Variants in SAV1 observed in about 807,000 individuals in gnomAD.
SAV1 encodes protein salvador homolog 1.
In SAV1, 23 loss-of-function variants were observed where a neutral mutation model predicts 47.3. The ratio of observed to expected loss-of-function variants is 0.49; its 90% CI spans 0.35 to 0.69. The LOEUF (loss-of-function observed/expected upper bound fraction) is 0.69, where lower values mean the gene tolerates loss of function less well. SAV1 is among the 30% of genes least tolerant of loss of function. The probability of loss-of-function intolerance (pLI) is 0.01; values close to 1 mark genes in which losing one functional copy is unlikely to be tolerated. For synonymous variants in SAV1, 155 were observed against 159.2 expected, an observed-to-expected ratio of 0.97 and a Z score of 0.20; for missense variants, 448 against 457.4, an observed-to-expected ratio of 0.98 and a Z score of 0.19.
Position 50,657,900 on chromosome 14 carries a change from T to C in SAV1, c.535+7279A>G, listed in dbSNP as rs139960197. On this transcript the variant is annotated intron_variant, in intron 2 of 4. Coordinates refer to ENST00000324679, the MANE Select transcript of SAV1 (RefSeq NM_021818.4). ...ACTTAATCTCATACAACCAGGCAGA[T>C]ATTTATGAGATCTACCATTATGAAT... is the stretch of plus-strand genomic sequence containing the variant. Among the ~76,000 whole-genome samples, 43 of 152,272 alleles carry C rather than the reference T, an allele frequency of 2.8e-4. 1 individual carries two copies. Among genetic ancestry groups the C allele is most frequent in the African/African-American group, 1.0e-3 (42 of 41,528 alleles).
intron 2 of SAV1, among the ~76,000 whole-genome samples, chr14:50,647,088 C>T (rs188059799): frequency 2.0e-5 from 3 of 152,128 alleles, no homozygotes; most frequent in East Asian, 3.9e-4. Context: ...ACCTTACATA[C>T]AAATTAACTA....
intron 2 of SAV1, among the ~76,000 whole-genome samples, chr14:50,651,644 T>C (rs375643976): frequency 3.4e-4 from 52 of 152,348 alleles, no homozygotes; most frequent in Non-Finnish European, 7.2e-4. Flanking sequence ...TATTTATTTT[T>C]GAGACAGGGT....
At position 50,644,836 on chromosome 14, in the gene SAV1, A is replaced by G; in HGVS notation, c.714T>C (p.Pro238=). 1 of 1,614,178 alleles carries G rather than the reference A, an allele frequency of 6.2e-7. No individual in the cohort carries two copies. The highest frequency in any genetic ancestry group is 8.5e-7 in the Non-Finnish European group (1 of 1,180,022). ...CGGATGACTCAACTCGTTCCCATCC[A>G]GGAGGAAGTCCTTCTCGCTCAAGAG... ...SHPLEREGLP[P]GWERVESSEF... is the part of the protein sequence containing the mutation. The change falls in exon 3 of 5, where the codon CCT becomes CCC. Residue 238 remains proline (P), a synonymous_variant. Coordinates refer to ENST00000324679, the MANE Select transcript of SAV1 (RefSeq NM_021818.4).
intron 2 of SAV1, chr14:50,662,679 G>T (rs918081766): frequency 2.0e-5 from 3 of 152,138 alleles, no homozygotes; most frequent in African/African-American, 7.2e-5. Flanking sequence ...TTCAAAACAA[G>T]AGTTTAACTT....
At chr14:50,646,071 C>T (rs528021067) in intron 2 of SAV1, among the ~76,000 whole-genome samples, 12 of 152,110 alleles carry the variant, frequency 7.9e-5, no homozygotes, top group African/African-American at 2.9e-4. Context: ...TTATAGGAGT[C>T]CCCCCCTTAT....
intron 2 of SAV1, among the ~76,000 whole-genome samples, chr14:50,660,234 C>A (rs1398960121): frequency 6.6e-6 from 1 of 152,200 alleles, no homozygotes; most frequent in East Asian, 1.9e-4. Context: ...GCATTGATAA[C>A]CCTATGATCT....
intron 2 of SAV1, among the ~76,000 whole-genome samples, chr14:50,652,618 A>T (rs2039778354): frequency 1.3e-5 from 2 of 152,258 alleles, no homozygotes; most frequent in Admixed American, 1.3e-4. Context: ...TTACCACACC[A>T]ATAATTAAAA....
chr14:50,637,307 A>G (rs1289696294), intron 4 of SAV1, among the ~76,000 whole-genome samples: 1 of 152,218 alleles, frequency 6.6e-6, no homozygotes, highest in Non-Finnish European at 1.5e-5. Context: ...ATACTCAATG[A>G]GCCTCCATGA....
chr14:50,656,515 T>C (rs1475731030), intron 2 of SAV1, among the ~76,000 whole-genome samples: 1 of 149,094 alleles, frequency 6.7e-6, no homozygotes, highest in Non-Finnish European at 1.5e-5. Flanking sequence ...CGATCTCCGC[T>C]CACTGCAAGC....
chr14:50,653,148 A>G (rs1339633897), intron 2 of SAV1, among the ~76,000 whole-genome samples: 1 of 152,244 alleles, frequency 6.6e-6, no homozygotes, highest in Non-Finnish European at 1.5e-5. Flanking sequence ...GCATAGATTA[A>G]ATAAGACTAA....
chr14:50,645,137 T>C, intron 2 of SAV1, 123 bp from the exon 3 acceptor site: 2 of 788,734 alleles, frequency 2.5e-6, no homozygotes, highest in Non-Finnish European at 3.9e-6. Context: ...AATTCATGAT[T>C]ATGCCCATTA....
intron 3 of SAV1, among the ~76,000 whole-genome samples, chr14:50,642,513 A>AAAAACTACCTAT (rs1369067646): frequency 4.6e-5 from 7 of 151,868 alleles, no homozygotes; most frequent in Admixed American, 6.6e-5. Flanking sequence ...AAAAGAAAAG[A>AAAAACTACCTAT]AAAACTACCT....
At chr14:50,655,355 T>C (rs1178993128) in intron 2 of SAV1, among the ~76,000 whole-genome samples, 2 of 152,064 alleles carry the variant, frequency 1.3e-5, no homozygotes, top group Non-Finnish European at 2.9e-5. Context: ...ATATTTTGGC[T>C]AACAGAGCTT....
chr14:50,665,516 T>C lies in SAV1; in HGVS notation c.198A>G (p.Val66=). Residue 66 remains valine, a synonymous_variant, in exon 2 of 5, where the codon GTA becomes GTG. Coordinates refer to ENST00000324679, the MANE Select transcript of SAV1 (RefSeq NM_021818.4). ...TAAGGAAACTCTGGTTTCTTGAAAC[T>C]ACATCTCCAGAAGTTGAAAAGGCAT... ...SPNAFSTSGD[V]VSRNQSFLRT... is the part of the protein sequence containing the mutation. 6.2e-7 allele frequency: 1 copy of C among 1,614,100 alleles called. No homozygotes were observed. The highest frequency in any genetic ancestry group is 8.5e-7 in the Non-Finnish European group (1 of 1,179,954).
chr14:50,635,381 A>G lies in SAV1; in HGVS notation c.954T>C (p.Tyr318=), dbSNP rs199884942. Residue 318 remains tyrosine (Y), a synonymous_variant, in exon 5 of 5, where the codon TAT becomes TAC. Transcript: ENST00000324679. ...LQVYARAPVK[Y]DHILKWELFQ... ...AGAGTTCCCACTTCAGAATGTGGTC[A>G]TATCTGTTTTAAAACACAATCATAT... 2.0e-5 allele frequency: 32 copies of G among 1,613,374 alleles called. 1 individual carries two copies. The African/African-American group carries it at 2.0e-4, about 10-fold the overall frequency.
intron 3 of SAV1, among the ~76,000 whole-genome samples, chr14:50,643,893 C>A (rs962009542): frequency 6.6e-6 from 1 of 152,120 alleles, no homozygotes; most frequent in South Asian, 2.1e-4. Context: ...TAAGAAAATA[C>A]AAATGTCCAC....
At chr14:50,657,344 G>T (rs2039821715) in intron 2 of SAV1, among the ~76,000 whole-genome samples, 1 of 152,266 alleles carries the variant, frequency 6.6e-6, no homozygotes, top group South Asian at 2.1e-4. Flanking sequence ...AACAGTTATG[G>T]ATGTGTATTC....
chr14:50,651,284 A>G (rs2039767520), intron 2 of SAV1, among the ~76,000 whole-genome samples: 1 of 152,234 alleles, frequency 6.6e-6, no homozygotes. Context: ...TAATATGAAT[A>G]CATATTTTAC....
At chr14:50,652,463 T>C (rs2039777251) in intron 2 of SAV1, among the ~76,000 whole-genome samples, 2 of 152,168 alleles carry the variant, frequency 1.3e-5, no homozygotes, top group African/African-American at 4.8e-5. Flanking sequence ...ATCCTTAGAA[T>C]GGTTGAGTAC....
Sources: gnomAD v4.1 joint callset for allele counts (sites outside exome capture counted in the v4.1 genomes callset) on GRCh38, gnomAD v4.1.1 for gene constraint, MANE v1.5 for transcripts, NCBI Gene and HGNC (gene_info 2026-07-23, HGNC 2026-07-21) for gene names.